The following NIPBL variants were observed in gnomAD, a reference collection of about 807,000 sequenced individuals.
NIPBL encodes NIPBL cohesin loading factor.
NIPBL carries 19 observed loss-of-function variants against 321.8 expected under a neutral mutation model. The observed-to-expected ratio is 0.06, with a 90% CI of 0.04 to 0.09. The LOEUF is 0.09. Among genes scored for constraint, NIPBL ranks in the 10% least tolerant of loss-of-function variants. The pLI, the probability that NIPBL is intolerant of heterozygous loss-of-function variation, is 1.00. For synonymous variants in NIPBL, 1,106 were observed against 1,114.1 expected (o/e 0.99, Z 0.14); for missense variants, 2,210 against 3,327.0 (o/e 0.66, Z 8.26).
At chr5:36,920,286 T>G (rs1441162280) in intron 1 of NIPBL, among the ~76,000 whole-genome samples, 1 of 152,204 alleles carries the variant, frequency 6.6e-6, no homozygotes, top group East Asian at 1.9e-4. Flanking sequence ...ATGTTGTCAA[T>G]TTGTGTATTT....
chr5:36,953,827 T>G, intron 2 of NIPBL, 67 bp downstream of exon 2: 1 of 1,322,126 alleles, frequency 7.6e-7, no homozygotes, highest in Admixed American at 1.7e-5. Context: ...ACAGTGACTG[T>G]TCTAAAAATT....
chr5:36,924,845 T>C (rs1262372289), intron 1 of NIPBL, among the ~76,000 whole-genome samples: 2 of 152,320 alleles, frequency 1.3e-5, no homozygotes, highest in Non-Finnish European at 2.9e-5. Flanking sequence ...TCCATTTTGC[T>C]TTTATTTTCT....
In NIPBL at chr5:36,958,174, G is replaced by A; in HGVS notation, c.301G>A (p.Ala101Thr). Reference protein sequence around the residue: ...DIPVLLQAVLARSPNVFREKS... With the variant: ...DIPVLLQAVLTRSPNVFREKS... ...ACCAGTCTTGTTGCAGGCCGTCCTG[G>A]CAAGGAGTCCTAATGTTTTCAGGGA... The change falls in exon 4 of 47, where the codon GCA (alanine) becomes ACA (threonine). Residue 101 changes from alanine (A) to threonine (T), a missense_variant. This residue lies in a region of NIPBL where 464 missense variants were observed against 529.5 expected (regional missense o/e 0.88). Transcript: ENST00000282516. 6.2e-7 allele frequency: 1 copy of A among 1,613,916 alleles called. No individual in the cohort carries two copies. Among genetic ancestry groups the A allele is most frequent in the Non-Finnish European group, 8.5e-7 (1 of 1,179,928 alleles).
intron 10 of NIPBL, among the ~76,000 whole-genome samples, chr5:36,990,323 T>C (rs564064132): frequency 6.6e-6 from 1 of 152,336 alleles, no homozygotes; most frequent in Admixed American, 6.5e-5. Flanking sequence ...GGTTGCCTTT[T>C]ACTTAGCACT....
At chr5:37,060,642 G>T (rs550508275) in intron 44 of NIPBL, among the ~76,000 whole-genome samples, 2 of 152,240 alleles carry the variant, frequency 1.3e-5, no homozygotes, top group Admixed American at 6.5e-5. Context: ...GGTTGGGGGT[G>T]GGGGAGCAAC....
intron 9 of NIPBL, among the ~76,000 whole-genome samples, chr5:36,977,971 G>T (rs1259171024): frequency 6.6e-6 from 1 of 151,968 alleles, no homozygotes; most frequent in African/African-American, 2.4e-5. Context: ...GTACCACGGT[G>T]TATATATACC....
intron 1 of NIPBL, chr5:36,885,149 G>A (rs1291800878): frequency 2.2e-6 from 1 of 454,000 alleles, no homozygotes; most frequent in Non-Finnish European, 4.4e-6. Flanking sequence ...CATAAAAAAT[G>A]CTATTCAGGG....
chr5:37,049,092 C>G lies in NIPBL; in HGVS notation c.6764-19C>G, dbSNP rs777997869. On this transcript the variant is annotated intron_variant, in intron 39 of 46. Coordinates refer to ENST00000282516, the MANE Select transcript of NIPBL (RefSeq NM_133433.4). The stretch of plus-strand genomic sequence containing the variant: ...ATAGGTGCTCTTAATGTGTGTTTAT[C>G]CTTTGCTTGCTTTTGTAGGGAAGAA... 1 of 1,612,988 alleles carries G rather than the reference C, an allele frequency of 6.2e-7. No homozygotes were observed. Among genetic ancestry groups the G allele is most frequent in the African/African-American group, 1.3e-5 (1 of 74,890 alleles).
At chr5:36,915,886 A>C (rs968985925) in intron 1 of NIPBL, among the ~76,000 whole-genome samples, 2 of 152,194 alleles carry the variant, frequency 1.3e-5, no homozygotes, top group Non-Finnish European at 2.9e-5. Context: ...ACTGCCTAAG[A>C]ACCCAGCTGT....
At chr5:36,936,479 A>G (rs907187351) in intron 1 of NIPBL, among the ~76,000 whole-genome samples, 3 of 152,206 alleles carry the variant, frequency 2.0e-5, no homozygotes, top group Non-Finnish European at 4.4e-5. Context: ...ATAGGTGCGT[A>G]GTAGGCTATA....
At chr5:36,886,308 C>T in intron 1 of NIPBL, 1 of 682,106 alleles carries the variant, frequency 1.5e-6, no homozygotes, top group South Asian at 1.5e-5. Flanking sequence ...CCATGCTGAA[C>T]ATCAAGGTCA....
Position 37,044,375 on chromosome 5 carries a change from A to C in NIPBL, c.6137A>C (p.Asn2046Thr). The change falls in exon 35 of 47, where the codon AAT becomes ACT. Residue 2046 changes from asparagine (N) to threonine (T), a missense_variant. Transcript: ENST00000282516. Reference protein sequence around the residue: ...STQNDFMVICNVAKILELVVP... With the variant: ...STQNDFMVICTVAKILELVVP... ...CAAAATGATTTCATGGTTATCTGCAATGTTGCAAAAATCCTAGAGCTAGTT... is the reference window on the plus strand; with the variant it reads ...CAAAATGATTTCATGGTTATCTGCACTGTTGCAAAAATCCTAGAGCTAGTT... 1 of 1,613,990 alleles carries C rather than the reference A, an allele frequency of 6.2e-7. No individual in the cohort carries two copies. Among genetic ancestry groups the C allele is most frequent in the East Asian group, 2.2e-5 (1 of 44,832 alleles).
chr5:36,891,205 C>T (rs1746306870), intron 1 of NIPBL, among the ~76,000 whole-genome samples: 1 of 152,076 alleles, frequency 6.6e-6, no homozygotes, highest in South Asian at 2.1e-4. Flanking sequence ...GCAGAGCTTG[C>T]AGTGAGCCAA....
At chr5:37,008,472 A>G (rs1352838391) in intron 19 of NIPBL, 151 bp from the exon 20 acceptor site, 1 of 613,548 alleles carries the variant, frequency 1.6e-6, no homozygotes, top group African/African-American at 1.9e-5. Flanking sequence ...TAAGAATGTT[A>G]TAATTAATGA....
intron 6 of NIPBL, among the ~76,000 whole-genome samples, chr5:36,964,382 A>T (rs1741976805): frequency 6.6e-6 from 1 of 152,146 alleles, no homozygotes; most frequent in South Asian, 2.1e-4. Context: ...AATCAGCTTG[A>T]TACTAGCATA....
At chr5:36,981,911 T>G in intron 9 of NIPBL, among the ~76,000 whole-genome samples, 1 of 151,806 alleles carries the variant, frequency 6.6e-6, no homozygotes, top group East Asian at 1.9e-4. Flanking sequence ...TCAGCCTGTA[T>G]TGTGGTTGAG....
chr5:36,931,509 G>C (rs1282950034), intron 1 of NIPBL, among the ~76,000 whole-genome samples: 1 of 151,920 alleles, frequency 6.6e-6, no homozygotes, highest in African/African-American at 2.4e-5. Flanking sequence ...ATAGAGACGA[G>C]GTTTTTCCTT....
At chr5:37,054,135 G>A (rs1308846628) in intron 42 of NIPBL, among the ~76,000 whole-genome samples, 2 of 150,568 alleles carry the variant, frequency 1.3e-5, no homozygotes, top group African/African-American at 4.9e-5. Flanking sequence ...GGCAGAGGTT[G>A]CAGTGAGCTG....
chr5:36,992,985 C>T (rs1364243725), intron 10 of NIPBL, among the ~76,000 whole-genome samples: 1 of 152,066 alleles, frequency 6.6e-6, no homozygotes, highest in African/African-American at 2.4e-5. Context: ...TCGTGATCCA[C>T]CCACCTCGGC....
Sources: allele counts gnomAD v4.1 joint callset (sites outside exome capture counted in the v4.1 genomes callset), GRCh38; gene constraint gnomAD v4.1.1; regional missense constraint gnomAD v4.1.1; transcripts MANE v1.5; gene names NCBI Gene and HGNC (gene_info 2026-07-23, HGNC 2026-07-21).